The following ACER3 variants were observed in gnomAD, a reference collection of about 807,000 sequenced individuals.
ACER3 encodes the protein alkCDase 3.
Under a neutral mutation model 48.9 loss-of-function variants are expected in ACER3, and 16 were observed. The observed-to-expected ratio is 0.33, with a 90% CI of 0.22 to 0.50. ACER3 has a LOEUF of 0.50. Ranked by LOEUF, ACER3 falls within the 20% of genes least tolerant of loss-of-function variation. The probability of loss-of-function intolerance (pLI) is 0.98; values close to 1 mark genes in which losing one functional copy is unlikely to be tolerated. For missense variants in ACER3, 227 were observed against 326.0 expected, an observed-to-expected ratio of 0.70 and a Z score of 2.34; for synonymous variants, 109 against 107.8, an observed-to-expected ratio of 1.01 and a Z score of -0.07.
intron 2 of ACER3, among the ~76,000 whole-genome samples, chr11:76,940,948 T>G (rs2134922610): frequency 6.6e-6 from 1 of 151,978 alleles, no homozygotes; most frequent in East Asian, 1.9e-4. Flanking sequence ...TTGCTAAAAC[T>G]TCTTATATTC....
chr11:77,018,868 C>T (rs1418742399), intron 9 of ACER3, among the ~76,000 whole-genome samples: 1 of 152,216 alleles, frequency 6.6e-6, no homozygotes, highest in Non-Finnish European at 1.5e-5. Flanking sequence ...GGAAAAAAGC[C>T]ATCTCCATAA....
chr11:76,958,311 CG>C, intron 2 of ACER3, among the ~76,000 whole-genome samples: 1 of 151,458 alleles, frequency 6.6e-6, no homozygotes, highest in East Asian at 1.9e-4. Context: ...CTCAGCCTCC[CG>C]AGTAGCTGGT....
chr11:76,923,982 C>T (rs1946752056), intron 1 of ACER3, among the ~76,000 whole-genome samples: 1 of 152,162 alleles, frequency 6.6e-6, no homozygotes, highest in Non-Finnish European at 1.5e-5. Context: ...AGTTCTTTCT[C>T]TCTAAAGTTG....
intron 1 of ACER3, among the ~76,000 whole-genome samples, chr11:76,913,528 T>C (rs1014173774): frequency 8.0e-6 from 1 of 125,154 alleles, no homozygotes; most frequent in African/African-American, 2.5e-5. Context: ...GTTCTTATTA[T>C]TTTGAGATAC....
intron 3 of ACER3, among the ~76,000 whole-genome samples, chr11:76,969,251 T>C (rs1431096134): frequency 6.6e-6 from 1 of 152,124 alleles, no homozygotes; most frequent in African/African-American, 2.4e-5. Context: ...TGAGATACCA[T>C]CTCACACCAG....
At chr11:77,017,667 A>G (rs184429465) in intron 9 of ACER3, among the ~76,000 whole-genome samples, 9 of 152,222 alleles carry the variant, frequency 5.9e-5, no homozygotes. Flanking sequence ...TAGCCAGATC[A>G]ATCTTGAAAA....
chr11:76,920,825 G>A (rs1946668199), intron 1 of ACER3, among the ~76,000 whole-genome samples: 2 of 151,948 alleles, frequency 1.3e-5, no homozygotes, highest in African/African-American at 4.8e-5. Context: ...TTTTTGTAGA[G>A]ATGGGTTCTC....
intron 1 of ACER3, among the ~76,000 whole-genome samples, chr11:76,911,474 T>A (rs1318114078): frequency 6.6e-6 from 1 of 152,188 alleles, no homozygotes; most frequent in Non-Finnish European, 1.5e-5. Flanking sequence ...TTTGGCTGGC[T>A]TCTTTATCAG....
chr11:76,944,311 A>G (rs1003365086), intron 2 of ACER3, among the ~76,000 whole-genome samples: 2 of 151,752 alleles, frequency 1.3e-5, no homozygotes, highest in African/African-American at 4.8e-5. Flanking sequence ...TGAGTTTTAT[A>G]TTTTCATGTG....
At chr11:76,893,681 C>T (rs749847112) in intron 1 of ACER3, among the ~76,000 whole-genome samples, 1 of 152,128 alleles carries the variant, frequency 6.6e-6, no homozygotes, top group Non-Finnish European at 1.5e-5. Context: ...GAAAATACTT[C>T]ATAGATTTGT....
At chr11:76,963,484 A>G (rs1948054470) in intron 3 of ACER3, among the ~76,000 whole-genome samples, 1 of 149,966 alleles carries the variant, frequency 6.7e-6, no homozygotes, top group Non-Finnish European at 1.5e-5. Flanking sequence ...TTAGACAACG[A>G]GACCAGTGAC....
intron 3 of ACER3, among the ~76,000 whole-genome samples, chr11:76,975,263 TC>T (rs1028056199): frequency 2.0e-5 from 3 of 152,176 alleles, no homozygotes; most frequent in Non-Finnish European, 4.4e-5. Flanking sequence ...TAAAATTGTA[TC>T]CTCAGCTCTT....
Position 77,005,972 on chromosome 11 carries a change from CAT to C in ACER3, c.497+7170_497+7171del, listed in dbSNP as rs61113921. On this transcript the variant is annotated intron_variant, in intron 7 of 10. Transcript: ENST00000532485. ...TATATATGTATATTATATATATATA[CAT>C]ATATATATATATATATATTTTTTTT... 1.9e-3 allele frequency among the ~76,000 whole-genome samples: 207 copies of C among 107,064 alleles called. 5 individuals are homozygous for C. The highest frequency in any genetic ancestry group is 7.5e-3 in the Admixed American group (75 of 10,024). 70.2% of individuals were successfully genotyped at this position (107,064 alleles called of 152,430 possible). A position where few individuals can be genotyped will look rare whatever the true frequency, so the allele number is the denominator to read the frequency against.
chr11:76,974,855 A>G (rs1948401628), intron 3 of ACER3, among the ~76,000 whole-genome samples: 1 of 152,226 alleles, frequency 6.6e-6, no homozygotes, highest in Non-Finnish European at 1.5e-5. Context: ...TACTCCCAAC[A>G]AAATCAATAA....
At chr11:76,918,241 A>C (rs1267833032) in intron 1 of ACER3, among the ~76,000 whole-genome samples, 4 of 151,436 alleles carry the variant, frequency 2.6e-5, no homozygotes, top group Admixed American at 2.0e-4. Context: ...TTTTAAAGTA[A>C]GACACACTTG....
In ACER3 at chr11:77,019,793, G is replaced by A. The variant is rs192710706; in HGVS notation, c.750+17G>A. ...AAAGTGAAGGTAAGTCCACTTCCTA[G>A]GTCCTGTGTGTGTGTTGGGGGTATG... On this transcript the variant is annotated intron_variant, in intron 10 of 10. Coordinates refer to ENST00000532485, the MANE Select transcript of ACER3 (RefSeq NM_018367.7). 31 of 1,612,224 alleles carry A rather than the reference G, an allele frequency of 1.9e-5. No individual in the cohort carries two copies. The highest frequency in any genetic ancestry group is 6.7e-5 in the Admixed American group (4 of 59,998).
chr11:76,940,953 A>G (rs1450467686), intron 2 of ACER3, among the ~76,000 whole-genome samples: 1 of 151,806 alleles, frequency 6.6e-6, no homozygotes, highest in African/African-American at 2.4e-5. Flanking sequence ...AAAACTTCTT[A>G]TATTCTTGTT....
chr11:76,948,069 A>G (rs1287428808), intron 2 of ACER3, among the ~76,000 whole-genome samples: 1 of 152,216 alleles, frequency 6.6e-6, no homozygotes, highest in Non-Finnish European at 1.5e-5. Flanking sequence ...TATGTTTCAT[A>G]GGGTTTTAGG....
At chr11:76,906,318 C>T (rs1946231446) in intron 1 of ACER3, among the ~76,000 whole-genome samples, 1 of 152,190 alleles carries the variant, frequency 6.6e-6, no homozygotes, top group African/African-American at 2.4e-5. Flanking sequence ...AGAGGACACA[C>T]ATTTGTGACT....
Sources: allele counts gnomAD v4.1 joint callset (sites outside exome capture counted in the v4.1 genomes callset), GRCh38; gene constraint gnomAD v4.1.1; transcripts MANE v1.5; gene names NCBI Gene and HGNC (gene_info 2026-07-23, HGNC 2026-07-21).